The following ASTN1 variants were observed in gnomAD, a reference collection of about 807,000 sequenced individuals.
ASTN1 encodes astrotactin-1.
A neutral mutation model predicts 140.7 loss-of-function variants in ASTN1; 41 were observed. That is an observed-to-expected ratio of 0.29 (90% CI 0.23 to 0.38). The LOEUF is 0.38. Among genes scored for constraint, ASTN1 ranks in the 10% least tolerant of loss-of-function variants. ASTN1 has a pLI of 1.00. For synonymous variants in ASTN1, 640 were observed against 652.2 expected (o/e 0.98, Z 0.29); for missense variants, 1,479 against 1,678.8 (o/e 0.88, Z 2.08).
At chr1:176,892,075 G>T (rs1379442483) in intron 17 of ASTN1, among the ~76,000 whole-genome samples, 1 of 152,118 alleles carries the variant, frequency 6.6e-6, no homozygotes, top group Non-Finnish European at 1.5e-5. Flanking sequence ...ATGTGTTTGG[G>T]GGGTAGAAAG....
At chr1:176,912,019 G>A (rs1420403634) in intron 16 of ASTN1, among the ~76,000 whole-genome samples, 2 of 152,148 alleles carry the variant, frequency 1.3e-5, no homozygotes, top group South Asian at 2.1e-4. Flanking sequence ...TGTCATATAC[G>A]TGGGCTTGCA....
At chr1:177,039,103 T>A (rs7411205) in intron 2 of ASTN1, among the ~76,000 whole-genome samples, 1 of 152,186 alleles carries the variant, frequency 6.6e-6, no homozygotes, top group Non-Finnish European at 1.5e-5. Context: ...AAAGCTGAGA[T>A]TATGCTTCCA....
At chr1:176,971,128 G>T (rs1435916173) in intron 8 of ASTN1, among the ~76,000 whole-genome samples, 2 of 152,188 alleles carry the variant, frequency 1.3e-5, no homozygotes, top group Non-Finnish European at 2.9e-5. Context: ...TGCAAGAAGG[G>T]TGTAGTGAAA....
At chr1:177,062,223 C>T (rs1344909876) in intron 1 of ASTN1, among the ~76,000 whole-genome samples, 2 of 151,808 alleles carry the variant, frequency 1.3e-5, no homozygotes, top group Non-Finnish European at 2.9e-5. Flanking sequence ...TAAACCATTG[C>T]TTTACAAAAT....
At chr1:177,098,449 T>C (rs1680144361) in intron 1 of ASTN1, among the ~76,000 whole-genome samples, 1 of 152,156 alleles carries the variant, frequency 6.6e-6, no homozygotes, top group Admixed American at 6.5e-5. Context: ...ATGTTAACTA[T>C]TTTTATTTTT....
At chr1:177,118,612 C>T (rs1030535304) in intron 1 of ASTN1, among the ~76,000 whole-genome samples, 18 of 152,168 alleles carry the variant, frequency 1.2e-4, no homozygotes, top group Admixed American at 9.8e-4. Flanking sequence ...GGTGGGATTT[C>T]TTAGGGAGAA....
intron 20 of ASTN1, among the ~76,000 whole-genome samples, chr1:176,879,774 A>T (rs2103023273): frequency 6.6e-6 from 1 of 152,320 alleles, no homozygotes; most frequent in Non-Finnish European, 1.5e-5. Context: ...AACATGAAGC[A>T]GGTATTAGAA....
intron 2 of ASTN1, among the ~76,000 whole-genome samples, chr1:177,051,148 T>A (rs76669157): frequency 0.07 from 10,702 of 152,334 alleles, 456 homozygotes; most frequent in South Asian, 0.13. Flanking sequence ...AAGAACAATT[T>A]TTGTCAGTGC....
chr1:176,923,625 G>A (rs1262477439), intron 16 of ASTN1, among the ~76,000 whole-genome samples: 1 of 151,996 alleles, frequency 6.6e-6, no homozygotes, highest in Non-Finnish European at 1.5e-5. Flanking sequence ...TTTATTATCA[G>A]TTACTGTTGT....
chr1:177,037,568 C>G lies in ASTN1; in HGVS notation c.472-4719G>C, dbSNP rs190020381. 4.6e-5 allele frequency among the ~76,000 whole-genome samples: 7 copies of G among 152,262 alleles called. No homozygotes were observed. The East Asian group carries it at 1.4e-3, about 29-fold the overall frequency. On this transcript the variant is annotated intron_variant, in intron 2 of 22. Coordinates refer to ENST00000361833, the MANE Select transcript of ASTN1 (RefSeq NM_004319.3). Reference sequence around the variant, plus strand: ...TTGTGTTAGCTCCAATTTTTATAGCCATTGGAAAAACAAAGACAAAACATT... The same window carrying G: ...TTGTGTTAGCTCCAATTTTTATAGCGATTGGAAAAACAAAGACAAAACATT...
At chr1:177,133,068 G>A (rs543917721) in intron 1 of ASTN1, among the ~76,000 whole-genome samples, 9 of 152,134 alleles carry the variant, frequency 5.9e-5, no homozygotes, top group East Asian at 1.9e-4. Context: ...CTAATATTTC[G>A]ACATAATATC....
In ASTN1 at chr1:176,913,979, C is replaced by T. The variant is rs907940897; in HGVS notation, c.2672-19149G>A. On this transcript the variant is annotated intron_variant, in intron 16 of 22. Coordinates refer to ENST00000361833, the MANE Select transcript of ASTN1 (RefSeq NM_004319.3). ...AGCTAATGACTTATAAGGCAAACAA[C>T]GGGAATTTGAAGAGTGTATCTGGCT... Among the ~76,000 whole-genome samples the T allele has an allele frequency of 6.6e-5, 10 of 152,196 alleles. 1 individual carries two copies. Among genetic ancestry groups the T allele is most frequent in the Admixed American group, 3.9e-4 (6 of 15,294 alleles).
intron 1 of ASTN1, among the ~76,000 whole-genome samples, chr1:177,067,494 C>T (rs1396165677): frequency 1.3e-5 from 2 of 151,978 alleles, no homozygotes; most frequent in Non-Finnish European, 2.9e-5. Flanking sequence ...TCTTTTTTTC[C>T]TTCTAATTTC....
At chr1:176,872,208 T>TA (rs748764389) in intron 21 of ASTN1, among the ~76,000 whole-genome samples, 5,455 of 147,380 alleles carry the variant, frequency 0.037, 136 homozygotes, top group African/African-American at 0.073. Flanking sequence ...TTTTTTTTTT[T>TA]AAAAAAAAGC....
At chr1:177,018,306 G>C (rs1675657271) in intron 7 of ASTN1, among the ~76,000 whole-genome samples, 1 of 152,142 alleles carries the variant, frequency 6.6e-6, no homozygotes, top group South Asian at 2.1e-4. Flanking sequence ...AATCGGGACT[G>C]AGCTACCCTG....
At chr1:177,036,186 G>A (rs1020466285) in intron 2 of ASTN1, among the ~76,000 whole-genome samples, 2 of 151,718 alleles carry the variant, frequency 1.3e-5, no homozygotes, top group African/African-American at 2.4e-5. Flanking sequence ...GAGTAGCTGG[G>A]ATTACAGGCA....
intron 16 of ASTN1, among the ~76,000 whole-genome samples, chr1:176,895,454 A>G (rs1215951803): frequency 6.6e-6 from 1 of 152,230 alleles, no homozygotes; most frequent in Non-Finnish European, 1.5e-5. Flanking sequence ...CACAGCTAGT[A>G]GATTGTGAGA....
intron 8 of ASTN1, among the ~76,000 whole-genome samples, chr1:177,003,335 A>G (rs761365411): frequency 2.6e-5 from 4 of 152,316 alleles, no homozygotes; most frequent in Non-Finnish European, 5.9e-5. Context: ...AAATTGTTCA[A>G]CATATGCAAG....
chr1:176,973,680 T>G (rs1040809222), intron 8 of ASTN1, among the ~76,000 whole-genome samples: 19 of 152,162 alleles, frequency 1.2e-4, no homozygotes, highest in African/African-American at 4.6e-4. Flanking sequence ...CCTCAGCACA[T>G]GATGTGCTTC....
Sources: allele counts gnomAD v4.1 joint callset (sites outside exome capture counted in the v4.1 genomes callset), GRCh38; gene constraint gnomAD v4.1.1; transcripts MANE v1.5; gene names NCBI Gene and HGNC (gene_info 2026-07-23, HGNC 2026-07-21).